The following KCTD1 variants were observed in gnomAD, a reference collection of about 807,000 sequenced individuals.
KCTD1 encodes the protein potassium channel tetramerization domain containing 1.
Under a neutral mutation model 66.0 loss-of-function variants are expected in KCTD1, and 24 were observed. The observed-to-expected ratio is 0.36, with a 90% CI of 0.26 to 0.51. The LOEUF (loss-of-function observed/expected upper bound fraction) is 0.51, where lower values mean the gene tolerates loss of function less well. Among genes scored for constraint, KCTD1 ranks in the 20% least tolerant of loss-of-function variants. KCTD1 has a pLI of 0.95. For missense variants in KCTD1, 943 were observed against 1,205.2 expected (o/e 0.78, Z 3.22); for synonymous variants, 511 against 517.2 (o/e 0.99, Z 0.16).
Position 26,546,807 on chromosome 18 carries a change from G to C in KCTD1, c.1730C>G (p.Pro577Arg), listed in dbSNP as rs1985244321. The change falls in exon 1 of 5, where the codon CCT becomes CGT. Residue 577 changes from proline (P) to arginine (R), a missense_variant. Coordinates refer to ENST00000580059, the MANE Select transcript of KCTD1 (RefSeq NM_001142730.3). ...GTGCCCATTGGCTTCTGGAAGAAGA[G>C]GCAGGGGGTCGTGTTTCACGGAAAC... is the stretch of plus-strand genomic sequence containing the variant. Reference protein sequence around the residue: ...VVVSVKHDPLPLLPEANGHRS... With the variant: ...VVVSVKHDPLRLLPEANGHRS... 2 of 1,545,714 alleles carry C rather than the reference G, an allele frequency of 1.3e-6. No homozygotes were observed. Among genetic ancestry groups the C allele is most frequent in the South Asian group, 1.2e-5 (1 of 82,826 alleles).
chr18:26,616,893 T>C (rs1488908690), intron 1 of KCTD1, among the ~76,000 whole-genome samples: 2 of 152,180 alleles, frequency 1.3e-5, no homozygotes, highest in East Asian at 3.8e-4. Flanking sequence ...GACCTTGCCT[T>C]TTGGGAGGCT....
chr18:26,572,588 AGT>A (rs1476606913), intron 1 of KCTD1, among the ~76,000 whole-genome samples: 6 of 152,204 alleles, frequency 3.9e-5, no homozygotes, highest in Non-Finnish European at 8.8e-5. Context: ...TAAATCAATC[AGT>A]GTGTGGGGTT....
rs1981365055 is a variant in KCTD1, at chr18:26,476,673, G to A, written c.1989-14C>T. ...AGTCTTCCGATTCTGTGATAGAAAA[G>A]AGGGAACAGTGAAGACAATTAGATC... On this transcript the variant is annotated splice_polypyrimidine_tract_variant and intron_variant, in intron 2 of 4. Transcript: ENST00000580059. This position sits in a 1 kb window ranked among gnomAD's most constrained non-coding sequence, Gnocchi z 4.9. 1 of 1,610,576 alleles carries A rather than the reference G, an allele frequency of 6.2e-7. No individual in the cohort carries two copies. The highest frequency in any genetic ancestry group is 8.5e-7 in the Non-Finnish European group (1 of 1,178,774).
intron 1 of KCTD1, among the ~76,000 whole-genome samples, chr18:26,613,968 C>T (rs1441400397): frequency 2.0e-5 from 3 of 152,324 alleles, no homozygotes; most frequent in East Asian, 3.9e-4. Context: ...GCCCATCCTA[C>T]TTAACAGAGC....
At chr18:26,551,500 C>T (rs1985565340), upstream of KCTD1, among the ~76,000 whole-genome samples, 1 of 152,104 alleles carries the variant, frequency 6.6e-6, no homozygotes, top group Non-Finnish European at 1.5e-5. Context: ...CTTCGTTGCA[C>T]CAGCTCCGGA....
chr18:26,540,005 AC>A (rs1159180102), intron 1 of KCTD1, among the ~76,000 whole-genome samples: 7 of 152,314 alleles, frequency 4.6e-5, no homozygotes, highest in Non-Finnish European at 1.0e-4. Flanking sequence ...AGTGTACTTA[AC>A]TAGTTTGGTC....
Position 26,565,757 on chromosome 18 carries a change from C to G in KCTD1, c.-16+63390G>C, listed in dbSNP as rs1473097520. ...TTTTTTCAAAGAAGGATGGAAGAGT[C>G]AAGTTTAGTACTAAGGATTAGCTCA... On this transcript the variant is annotated intron_variant, in intron 1 of 4. Transcript: ENST00000317932. 8 of 150,152 alleles carry G rather than the reference C, an allele frequency of 5.3e-5. No individual in the cohort carries two copies. The East Asian group carries it at 1.6e-3, about 29-fold the overall frequency. The allele number at this position is 150,152 out of a possible 1,614,324, so 9.3% of individuals were successfully genotyped here. A position where few individuals can be genotyped will look rare whatever the true frequency, so the allele number is the denominator to read the frequency against.
At chr18:26,533,067 G>A (rs925773698) in intron 1 of KCTD1, among the ~76,000 whole-genome samples, 1 of 152,220 alleles carries the variant, frequency 6.6e-6, no homozygotes, top group Non-Finnish European at 1.5e-5. Context: ...TGTAGCCTAT[G>A]AGATTGCTGT....
At chr18:26,481,984 G>A (rs1456639607) in intron 2 of KCTD1, among the ~76,000 whole-genome samples, 2 of 152,198 alleles carry the variant, frequency 1.3e-5, no homozygotes, top group East Asian at 3.8e-4. Flanking sequence ...AAGTGTCAGA[G>A]CATACTTTCT....
At chr18:26,495,639 T>C (rs1982433814) in intron 2 of KCTD1, among the ~76,000 whole-genome samples, 1 of 151,954 alleles carries the variant, frequency 6.6e-6, no homozygotes, top group Non-Finnish European at 1.5e-5. Context: ...TCTACTTATG[T>C]GGGAGTTAAC....
chr18:26,472,960 AGTGTGTGACCCCAG>A (rs1478335146), intron 3 of KCTD1, among the ~76,000 whole-genome samples: 3 of 152,148 alleles, frequency 2.0e-5, no homozygotes, highest in Non-Finnish European at 2.9e-5. Context: ...CATGTCTGAG[AGTGTGTGACCCCAG>A]GTGCAGACTG....
intron 1 of KCTD1, among the ~76,000 whole-genome samples, chr18:26,514,924 G>C (rs1350769580): frequency 6.6e-6 from 1 of 152,186 alleles, no homozygotes; most frequent in East Asian, 1.9e-4. Flanking sequence ...TGGGTGAGAA[G>C]ATATCAGTGA....
chr18:26,510,533 T>A (rs754522769), intron 1 of KCTD1, among the ~76,000 whole-genome samples: 2 of 152,218 alleles, frequency 1.3e-5, no homozygotes, highest in Admixed American at 6.5e-5. Context: ...GTCTGCCAGA[T>A]ACAGAGTGAG....
intron 1 of KCTD1, chr18:26,581,762 T>C (rs1031553056): frequency 7.9e-5 from 12 of 152,074 alleles, no homozygotes; most frequent in Admixed American, 5.9e-4. Context: ...ATTTGTTGAA[T>C]GAATGAATGA....
intron 2 of KCTD1, among the ~76,000 whole-genome samples, chr18:26,477,225 C>A (rs890889495): frequency 6.6e-6 from 1 of 152,146 alleles, no homozygotes; most frequent in Admixed American, 6.5e-5. Context: ...ACTACAGTTT[C>A]TTAGGTCTCA....
rs117022732 is a variant in KCTD1 at position 26,531,200 on chromosome 18, A to G, written c.1809+15528T>C. Among the ~76,000 whole-genome samples, 275 of 152,354 alleles carry G rather than the reference A, an allele frequency of 1.8e-3. 12 individuals carry two copies. The East Asian group carries it at 0.045, about 25-fold the overall frequency. ...TGGCAAATAAAATGAATGAAATAAA[A>G]TAAAATGAAACAGTGAGCATGGTGG... On this transcript the variant is annotated intron_variant, in intron 1 of 4. Coordinates refer to ENST00000580059, the MANE Select transcript of KCTD1 (RefSeq NM_001142730.3).
At chr18:26,602,144 T>G (rs1225628612) in intron 1 of KCTD1, among the ~76,000 whole-genome samples, 2 of 152,166 alleles carry the variant, frequency 1.3e-5, no homozygotes, top group African/African-American at 2.4e-5. Context: ...ATGTCTTTAT[T>G]GGGTTGAGGA....
chr18:26,548,363 C>G lies in KCTD1; in HGVS notation c.174G>C (p.Glu58Asp), dbSNP rs1376693914. 1 of 1,407,452 alleles carries G rather than the reference C, an allele frequency of 7.1e-7. No homozygotes were observed. The highest frequency in any genetic ancestry group is 9.4e-7 in the Non-Finnish European group (1 of 1,069,268). The allele number at this position is 1,407,452 out of a possible 1,614,324, so 87.2% of individuals were successfully genotyped here. The change falls in exon 1 of 5, where the codon GAG becomes GAC. Residue 58 changes from glutamate (E) to aspartate (D), a missense_variant. This residue lies in a region of KCTD1 where 236 missense variants were observed against 206.6 expected (regional missense o/e 1.14). Transcript: ENST00000580059. ...GGATCTCGTCCTCCTCCTCCTCTTC[C>G]TCCTCCTCCTCGCCCGCGCTGCAGT... Reference protein sequence around the residue: ...PHYCSAGEEEEEEEEEDEIQE... With the variant: ...PHYCSAGEEEDEEEEEDEIQE...
At chr18:26,571,923 A>G (rs1234722049) in intron 1 of KCTD1, among the ~76,000 whole-genome samples, 3 of 152,218 alleles carry the variant, frequency 2.0e-5, no homozygotes, top group Admixed American at 6.5e-5. Flanking sequence ...GTCAAGAAGA[A>G]CAAATTAACC....
Sources: gnomAD v4.1 joint callset for allele counts (sites outside exome capture counted in the v4.1 genomes callset) on GRCh38, gnomAD v4.1.1 for gene constraint, gnomAD v4.1.1 regional missense constraint, Gnocchi (gnomAD v3.1) non-coding constraint, MANE v1.5 for transcripts, NCBI Gene and HGNC (gene_info 2026-07-23, HGNC 2026-07-21) for gene names.